Variants in MATR3 observed in about 807,000 individuals in gnomAD.
The protein encoded by MATR3 is matrin 3.
A neutral mutation model predicts 85.5 loss-of-function variants in MATR3; 4 were observed. That is an observed-to-expected ratio of 0.05 (90% CI 0.02 to 0.11). The LOEUF is 0.11. Ranked by LOEUF, MATR3 falls within the 10% of genes least tolerant of loss-of-function variation. The probability of loss-of-function intolerance (pLI) is 1.00; values close to 1 mark genes in which losing one functional copy is unlikely to be tolerated. For missense variants in MATR3, 685 were observed against 1,016.1 expected (o/e 0.67, Z 4.43); for synonymous variants, 336 against 343.1 (o/e 0.98, Z 0.23).
chr5:139,289,911 T>C (rs1561922605), upstream of MATR3, among the ~76,000 whole-genome samples: 1 of 152,232 alleles, frequency 6.6e-6, no homozygotes, highest in Non-Finnish European at 1.5e-5. Context: ...CTGATATCCA[T>C]GTTGCTAAAT....
rs1279656048 is a variant in MATR3, at chr5:139,331,608, G to T, written c.*2213G>T. The T allele has an allele frequency of 1.8e-5, 8 of 453,918 alleles. No individual in the cohort carries two copies. Among genetic ancestry groups the T allele is most frequent in the Middle Eastern group, 6.8e-4 (1 of 1,466 alleles). 28.1% of individuals were successfully genotyped at this position (453,918 alleles called of 1,614,324 possible). A position where few individuals can be genotyped will look rare whatever the true frequency, so the allele number is the denominator to read the frequency against. ...AAAGTTTAAGAACATTTTTCCTACG[G>T]CTATGTCAGCCCTTAGTTTAATCTT... On this transcript the variant is annotated 3_prime_UTR_variant, in exon 15 of 15. Transcript: ENST00000394805.
rs1561950584 is a variant in MATR3, at chr5:139,331,676, G to C, written c.*2281G>C. ...TGAATGAAACTTCTAGAAGTACCTT[G>C]AGTTTGTTTTACAGTTCTTTTTTAT... On this transcript the variant is annotated 3_prime_UTR_variant, in exon 15 of 15. Coordinates refer to ENST00000394805, the MANE Select transcript of MATR3 (RefSeq NM_018834.6). 1 of 437,724 alleles carries C rather than the reference G, an allele frequency of 2.3e-6. No homozygotes were observed. The highest frequency in any genetic ancestry group is 4.5e-6 in the Non-Finnish European group (1 of 220,316). 27.1% of individuals were successfully genotyped at this position (437,724 alleles called of 1,614,324 possible).
At position 139,329,397 on chromosome 5, in the gene MATR3, AT is replaced by A. The variant is rs1213322989; in HGVS notation, c.*3del. The A allele has an allele frequency of 6.2e-7, 1 of 1,609,412 alleles. No individual in the cohort carries two copies. The highest frequency in any genetic ancestry group is 2.2e-5 in the East Asian group (1 of 44,698). On this transcript the variant is annotated 3_prime_UTR_variant, in exon 15 of 15. Coordinates refer to ENST00000394805, the MANE Select transcript of MATR3 (RefSeq NM_018834.6). ...CGCAGACAGAAGAAGGAAACTTAAG[AT>A]GTGCAAGGAGATTTAATGATTTCAA...
chr5:139,321,504 C>T (rs1256567967), intron 9 of MATR3, among the ~76,000 whole-genome samples: 4 of 151,738 alleles, frequency 2.6e-5, no homozygotes, highest in East Asian at 1.9e-4. Context: ...AATTTTTAGC[C>T]GGGTGTGGTT....
chr5:139,279,418 G>A lies in MATR3; in HGVS notation c.-178+289G>A, dbSNP rs547809536. On this transcript the variant is annotated intron_variant, in intron 3 of 16. Coordinates refer to ENST00000509990, the Ensembl canonical transcript of MATR3. Reference sequence around the variant, plus strand: ...TAATTTTTTTATTTTAAGTAGAGACGAGGTTTCACCATATTGGCCAGGCTG... The same window carrying A: ...TAATTTTTTTATTTTAAGTAGAGACAAGGTTTCACCATATTGGCCAGGCTG... The A allele has an allele frequency of 1.5e-5, 4 of 273,830 alleles. No homozygotes were observed. The South Asian group carries it at 1.5e-4, about 10-fold the overall frequency. The allele number at this position is 273,830 out of a possible 1,614,324, so 17.0% of individuals were successfully genotyped here.
At position 139,325,639 on chromosome 5, in the gene MATR3, C is replaced by T. The variant is rs1194022580; in HGVS notation, c.2348C>T (p.Pro783Leu). The stretch of plus-strand genomic sequence containing the variant: ...ATCCCAGATGAGTATAGAATTGGAC[C>T]ATATCAGCCCAATGTTCCTGTTGGT... ...YTIPDEYRIG[P>L]YQPNVPVGID... Residue 783 changes from proline (P) to leucine (L), a missense_variant, in exon 13 of 15, where the codon CCA becomes CTA. Transcript: ENST00000394805. 5 of 1,613,854 alleles carry T rather than the reference C, an allele frequency of 3.1e-6. No individual in the cohort carries two copies. Among genetic ancestry groups the T allele is most frequent in the Middle Eastern group, 1.6e-4 (1 of 6,084 alleles).
intron 2 of MATR3, 186 bp from the exon 3 acceptor site, chr5:139,314,489 G>A: frequency 1.7e-6 from 1 of 582,466 alleles, no homozygotes; most frequent in South Asian, 1.8e-5. Flanking sequence ...GCGTATTTGA[G>A]GGCAGGATCA....
At chr5:139,297,479 T>A (rs1355161568) in intron 1 of MATR3, among the ~76,000 whole-genome samples, 2 of 152,110 alleles carry the variant, frequency 1.3e-5, no homozygotes, top group African/African-American at 4.8e-5. Context: ...AGCCTATGGG[T>A]TGAGTTTTAG....
intron 3 of MATR3, among the ~76,000 whole-genome samples, chr5:139,286,714 C>A (rs1010260563): frequency 6.6e-6 from 1 of 151,632 alleles, no homozygotes; most frequent in East Asian, 2.0e-4. Flanking sequence ...GCTGGTGGCA[C>A]GGGCCTGTAA....
chr5:139,330,695 A>T lies in MATR3; in HGVS notation c.*1300A>T. 1 of 454,140 alleles carries T rather than the reference A, an allele frequency of 2.2e-6. No individual in the cohort carries two copies. The highest frequency in any genetic ancestry group is 4.4e-6 in the Non-Finnish European group (1 of 226,780). 28.1% of individuals were successfully genotyped at this position (454,140 alleles called of 1,614,324 possible). Reference sequence around the variant, plus strand: ...TTATGTTTAGAGATATTGATGACTTAACAGTACAATTGGAAGTAATACGGA... The same window carrying T: ...TTATGTTTAGAGATATTGATGACTTTACAGTACAATTGGAAGTAATACGGA... On this transcript the variant is annotated 3_prime_UTR_variant, in exon 15 of 15. Coordinates refer to ENST00000394805, the MANE Select transcript of MATR3 (RefSeq NM_018834.6).
chr5:139,330,322 T>TG lies in MATR3; in HGVS notation c.*927_*928insG. The TG allele has an allele frequency of 2.2e-6, 1 of 454,074 alleles. No homozygotes were observed. The highest frequency in any genetic ancestry group is 4.4e-6 in the Non-Finnish European group (1 of 226,636). 28.1% of individuals were successfully genotyped at this position (454,074 alleles called of 1,614,324 possible). A position where few individuals can be genotyped will look rare whatever the true frequency, so the allele number is the denominator to read the frequency against. On this transcript the variant is annotated 3_prime_UTR_variant, in exon 15 of 15. Coordinates refer to ENST00000394805, the MANE Select transcript of MATR3 (RefSeq NM_018834.6). ...ATTTGCATGTATAATTTGTGTTTAC[T>TG]TGTAACTTTCTGGTTATATACTGCT...
At chr5:139,319,064 A>G in intron 8 of MATR3, 31 bp downstream of exon 8, 1 of 1,586,938 alleles carries the variant, frequency 6.3e-7, no homozygotes, top group Non-Finnish European at 8.7e-7. Flanking sequence ...GCTGTATATC[A>G]GTTTAACAAA....
chr5:139,317,473 T>G, intron 6 of MATR3, 123 bp from the exon 7 acceptor site: 1 of 955,762 alleles, frequency 1.0e-6, no homozygotes, highest in Non-Finnish European at 1.6e-6. Context: ...CTCTAGAATG[T>G]TATGAGTTGT....
At chr5:139,286,556 G>A (rs933821482) in intron 3 of MATR3, among the ~76,000 whole-genome samples, 5 of 151,272 alleles carry the variant, frequency 3.3e-5, no homozygotes, top group Admixed American at 2.6e-4. Flanking sequence ...AGGAATAATG[G>A]TACGTTGGCC....
Position 139,322,857 on chromosome 5 carries a change from G to A in MATR3, c.2038G>A (p.Asp680Asn), listed in dbSNP as rs752161415. ...TGGCAGTTCAGTGGGAGACGAGACC[G>A]ATCTTGCTAATTTAGGTGATGTGGC... is the stretch of plus-strand genomic sequence containing the variant. Reference protein sequence around the residue: ...ESGSSVGDETDLANLGDVASD... With the variant: ...ESGSSVGDETNLANLGDVASD... The change falls in exon 12 of 15, where the codon GAT becomes AAT. Residue 680 changes from aspartate (D) to asparagine (N), a missense_variant. Asp to Asn is a conservative substitution (Grantham distance 23). This residue lies in a region of MATR3 where 215 missense variants were observed against 194.7 expected (regional missense o/e 1.10). Transcript: ENST00000394805. 7.4e-6 allele frequency: 12 copies of A among 1,614,034 alleles called. No homozygotes were observed. The highest frequency in any genetic ancestry group is 3.3e-5 in the South Asian group (3 of 91,086).
chr5:139,314,590 A>T, intron 2 of MATR3, 85 bp from the exon 3 acceptor site: 1 of 1,029,872 alleles, frequency 9.7e-7, no homozygotes, highest in Non-Finnish European at 1.5e-6. Context: ...TACTGCATAG[A>T]CATTAATATC....
chr5:139,284,603 C>G (rs1753643502), intron 3 of MATR3, among the ~76,000 whole-genome samples: 1 of 147,834 alleles, frequency 6.8e-6, no homozygotes, highest in Non-Finnish European at 1.5e-5. Flanking sequence ...CTGAGACAGT[C>G]TCAAAAAAAA....
chr5:139,284,522 C>T (rs563174419), intron 3 of MATR3, among the ~76,000 whole-genome samples: 7 of 151,982 alleles, frequency 4.6e-5, no homozygotes, highest in Middle Eastern at 3.4e-3. Flanking sequence ...GCACGAGAAT[C>T]GCTTGAACTT....
At chr5:139,286,705 C>A (rs1031473489) in intron 3 of MATR3, among the ~76,000 whole-genome samples, 5 of 151,564 alleles carry the variant, frequency 3.3e-5, no homozygotes, top group African/African-American at 9.7e-5. Flanking sequence ...ATTAGCCAAG[C>A]TGGTGGCACG....
Sources: gnomAD v4.1 joint callset for allele counts (sites outside exome capture counted in the v4.1 genomes callset) on GRCh38, gnomAD v4.1.1 for gene constraint, gnomAD v4.1.1 regional missense constraint, MANE v1.5 for transcripts, NCBI Gene and HGNC (gene_info 2026-07-23, HGNC 2026-07-21) for gene names.